The following ROBO2 variants were observed in gnomAD, a reference collection of about 807,000 sequenced individuals.
ROBO2 encodes roundabout homolog 2.
In ROBO2, 53 loss-of-function variants were observed where a neutral mutation model predicts 160.8. The ratio of observed to expected loss-of-function variants is 0.33; its 90% CI spans 0.26 to 0.41. The LOEUF (loss-of-function observed/expected upper bound fraction) is 0.41, where lower values mean the gene tolerates loss of function less well. ROBO2 is among the 10% of genes least tolerant of loss of function. The pLI is 1.00. For missense variants in ROBO2, 1,577 were observed against 1,722.4 expected (o/e 0.92, Z 1.49); for synonymous variants, 664 against 611.7 (o/e 1.09, Z -1.26).
intron 2 of ROBO2, among the ~76,000 whole-genome samples, chr3:77,292,995 A>T (rs2061500782): frequency 6.6e-6 from 1 of 151,642 alleles, no homozygotes; most frequent in Non-Finnish European, 1.5e-5. Context: ...TTGACGGTTA[A>T]ACGGGTAAGC....
At chr3:76,182,456 A>C (rs1331748364) in intron 2 of ROBO2, among the ~76,000 whole-genome samples, 1 of 152,148 alleles carries the variant, frequency 6.6e-6, no homozygotes, top group Admixed American at 6.6e-5. Context: ...AGACAACATG[A>C]AAGTAGGCTC....
At chr3:76,818,549 C>G (rs1432184884) in intron 2 of ROBO2, among the ~76,000 whole-genome samples, 1 of 151,954 alleles carries the variant, frequency 6.6e-6, no homozygotes, top group African/African-American at 2.4e-5. Flanking sequence ...CTTTTGAATT[C>G]TGGGTCATGA....
chr3:76,833,905 T>C (rs907635678), intron 2 of ROBO2, among the ~76,000 whole-genome samples: 1 of 152,114 alleles, frequency 6.6e-6, no homozygotes, highest in African/African-American at 2.4e-5. Context: ...GATAATGACA[T>C]GCTCAGACTT....
chr3:77,167,641 A>G (rs929588271), intron 2 of ROBO2, among the ~76,000 whole-genome samples: 5 of 152,158 alleles, frequency 3.3e-5, no homozygotes, highest in Admixed American at 2.6e-4. Context: ...TTTCTGCATG[A>G]TATTTAGGCC....
chr3:76,628,468 A>G lies in ROBO2; in HGVS notation c.110-469546A>G, dbSNP rs184052464. ...TTTTTTTTAGAGATGGGGTCTTGCT[A>G]TGTTGTCCAGGCTTGTCCTAAACTC... is the stretch of plus-strand genomic sequence containing the variant. On this transcript the variant is annotated intron_variant, in intron 2 of 26. Coordinates refer to the ROBO2 transcript ENST00000487694. Among the ~76,000 whole-genome samples, 6 of 137,784 alleles carry G rather than the reference A, an allele frequency of 4.4e-5. No homozygotes were observed. In the East Asian group the frequency reaches 1.1e-3, roughly 24 times the overall value. 90.4% of individuals were successfully genotyped at this position (137,784 alleles called of 152,430 possible).
At chr3:76,935,413 C>G (rs1021843192) in intron 2 of ROBO2, among the ~76,000 whole-genome samples, 1 of 152,176 alleles carries the variant, frequency 6.6e-6, no homozygotes, top group Non-Finnish European at 1.5e-5. Context: ...CTTGCTAATA[C>G]ATGTTTTCTG....
chr3:77,379,257 T>G (rs2073120319), intron 2 of ROBO2, among the ~76,000 whole-genome samples: 1 of 152,280 alleles, frequency 6.6e-6, no homozygotes, highest in Admixed American at 6.5e-5. Flanking sequence ...CTTCTGTATC[T>G]TTTTACATAA....
intron 2 of ROBO2, among the ~76,000 whole-genome samples, chr3:76,482,724 A>T (rs1303925702): frequency 6.6e-6 from 1 of 152,172 alleles, no homozygotes; most frequent in East Asian, 1.9e-4. Context: ...CATTACAGTG[A>T]ATCACTGATC....
intron 2 of ROBO2, among the ~76,000 whole-genome samples, chr3:76,138,947 T>G (rs968757015): frequency 2.6e-5 from 4 of 152,106 alleles, no homozygotes; most frequent in Admixed American, 6.6e-5. Flanking sequence ...GTAAACAGAT[T>G]TACTTATATG....
rs531795805 is a variant in ROBO2 at position 76,376,663 on chromosome 3, C to G, written c.109+439061C>G. Among the ~76,000 whole-genome samples the G allele has an allele frequency of 5.3e-5, 8 of 152,164 alleles. 1 individual carries two copies. Among genetic ancestry groups the G allele is most frequent in the Non-Finnish European group, 8.8e-5 (6 of 68,004 alleles). On this transcript the variant is annotated intron_variant, in intron 2 of 26. Transcript: ENST00000487694. ...AAAGTCTTTATTTTGCCAGGCTGGC[C>G]AGCAAGGGCACAGGTGATGCAACTC... is the stretch of plus-strand genomic sequence containing the variant.
At chr3:76,226,495 G>C (rs978560080) in intron 2 of ROBO2, among the ~76,000 whole-genome samples, 5 of 152,102 alleles carry the variant, frequency 3.3e-5, no homozygotes, top group African/African-American at 1.2e-4. Flanking sequence ...TCTGAAAATC[G>C]AGTAAGGAGA....
chr3:76,287,267 T>G (rs1036058120), intron 2 of ROBO2, among the ~76,000 whole-genome samples: 3 of 151,820 alleles, frequency 2.0e-5, no homozygotes, highest in Non-Finnish European at 4.4e-5. Flanking sequence ...ACATTTTCAC[T>G]TCAGTGCTTC....
chr3:76,671,843 A>G (rs2092273435), intron 2 of ROBO2, among the ~76,000 whole-genome samples: 1 of 152,082 alleles, frequency 6.6e-6, no homozygotes, highest in Non-Finnish European at 1.5e-5. Flanking sequence ...TAAATAGTAT[A>G]GTAAATGCTA....
chr3:76,014,898 A>T (rs1360602589), intron 2 of ROBO2, among the ~76,000 whole-genome samples: 1 of 152,348 alleles, frequency 6.6e-6, no homozygotes, highest in Middle Eastern at 3.4e-3. Flanking sequence ...ACTGCACTCC[A>T]GTCTGAACCA....
intron 2 of ROBO2, among the ~76,000 whole-genome samples, chr3:77,394,795 C>G (rs184489063): frequency 2.6e-5 from 4 of 152,174 alleles, no homozygotes; most frequent in African/African-American, 9.6e-5. Flanking sequence ...TATCTTCACT[C>G]CACCAAATTC....
intron 1 of ROBO2, among the ~76,000 whole-genome samples, chr3:77,088,815 T>A (rs2069711349): frequency 6.6e-6 from 1 of 152,212 alleles, no homozygotes; most frequent in South Asian, 2.1e-4. Context: ...AAAGGCCAAC[T>A]TTTGTAATCT....
At chr3:76,892,427 T>C (rs556967481) in intron 2 of ROBO2, among the ~76,000 whole-genome samples, 5 of 152,272 alleles carry the variant, frequency 3.3e-5, no homozygotes, top group South Asian at 2.1e-4. Context: ...AGCATTCCAC[T>C]CTTAGACATT....
intron 2 of ROBO2, among the ~76,000 whole-genome samples, chr3:76,184,868 A>G (rs1701669805): frequency 6.6e-6 from 1 of 152,014 alleles, no homozygotes; most frequent in Non-Finnish European, 1.5e-5. Context: ...ACTCAGCTCC[A>G]GAAGACAGAC....
intron 2 of ROBO2, among the ~76,000 whole-genome samples, chr3:76,444,211 C>T (rs1234799888): frequency 2.0e-5 from 3 of 152,052 alleles, no homozygotes; most frequent in Admixed American, 1.3e-4. Flanking sequence ...AGCTCATGAC[C>T]TAGTGATCCA....
Sources: allele counts gnomAD v4.1 joint callset (sites outside exome capture counted in the v4.1 genomes callset), GRCh38; gene constraint gnomAD v4.1.1; transcripts MANE v1.5; gene names NCBI Gene and HGNC (gene_info 2026-07-23, HGNC 2026-07-21).